The following ZFYVE28 variants were observed in gnomAD, a reference collection of about 807,000 sequenced individuals.
The protein encoded by ZFYVE28 is lateral signaling target protein 2 homolog.
In ZFYVE28, 40 loss-of-function variants were observed where a neutral mutation model predicts 82.1. That is an observed-to-expected ratio of 0.49 (90% CI 0.38 to 0.63). ZFYVE28 has a LOEUF of 0.63. ZFYVE28 is among the 30% of genes least tolerant of loss of function. The probability of loss-of-function intolerance (pLI) is 0.00; values close to 1 mark genes in which losing one functional copy is unlikely to be tolerated. For synonymous variants in ZFYVE28, 612 were observed against 546.1 expected (o/e 1.12, Z -1.68); for missense variants, 1,321 against 1,242.1 (o/e 1.06, Z -0.96).
chr4:2,358,980 T>C (rs1177305527), intron 1 of ZFYVE28, among the ~76,000 whole-genome samples: 2 of 148,646 alleles, frequency 1.3e-5, no homozygotes, highest in Non-Finnish European at 3.0e-5. Flanking sequence ...TTTTTCTTTT[T>C]TTTTTTTTTT....
chr4:2,298,129 G>A (rs953689521), intron 8 of ZFYVE28, among the ~76,000 whole-genome samples: 119 of 147,080 alleles, frequency 8.1e-4, no homozygotes, highest in Non-Finnish European at 1.5e-3. Flanking sequence ...TGACACGGCG[G>A]GCTGTGCTGG....
At chr4:2,277,781 A>G (rs2108801078) in intron 8 of ZFYVE28, among the ~76,000 whole-genome samples, 1 of 152,360 alleles carries the variant, frequency 6.6e-6, no homozygotes, top group Admixed American at 6.5e-5. Context: ...TACAGATTCA[A>G]TGCAATCCAT....
rs140647446 is a variant in ZFYVE28, at chr4:2,315,396, G to A, written c.803+4774C>T. On this transcript the variant is annotated intron_variant, in intron 7 of 12. Transcript: ENST00000290974. ...CGCCTCCCAGGTTCAAGTGATTCTC[G>A]TGTCTCAGCTGGGATTACAGGCGCC... Among the ~76,000 whole-genome samples, 876 of 151,980 alleles carry A rather than the reference G, an allele frequency of 5.8e-3. 9 individuals are homozygous for A. Among genetic ancestry groups the A allele is most frequent in the Non-Finnish European group, 0.01 (700 of 67,934 alleles).
At chr4:2,312,169 C>T (rs1485334690) in intron 7 of ZFYVE28, among the ~76,000 whole-genome samples, 2 of 152,126 alleles carry the variant, frequency 1.3e-5, no homozygotes, top group African/African-American at 4.8e-5. Flanking sequence ...CTCAGCCTCC[C>T]AAAATGCTGA....
At chr4:2,313,087 G>A (rs1717718158) in intron 7 of ZFYVE28, among the ~76,000 whole-genome samples, 1 of 150,544 alleles carries the variant, frequency 6.6e-6, no homozygotes, top group South Asian at 2.1e-4. Context: ...AATTTATCAT[G>A]TAATTGGGGA....
At chr4:2,329,392 T>G (rs1720344739) in intron 6 of ZFYVE28, among the ~76,000 whole-genome samples, 1 of 152,218 alleles carries the variant, frequency 6.6e-6, no homozygotes, top group Non-Finnish European at 1.5e-5. Flanking sequence ...CATTTCTTAT[T>G]TAAAATAACA....
At chr4:2,272,908 G>A (rs768541752) in intron 10 of ZFYVE28, among the ~76,000 whole-genome samples, 3 of 152,360 alleles carry the variant, frequency 2.0e-5, no homozygotes, top group Non-Finnish European at 2.9e-5. Flanking sequence ...CCATCTGCTC[G>A]TTTGCAGGGG....
chr4:2,322,455 G>A (rs1719230529), intron 6 of ZFYVE28, among the ~76,000 whole-genome samples: 1 of 151,572 alleles, frequency 6.6e-6, no homozygotes, highest in Non-Finnish European at 1.5e-5. Context: ...CTGGATCCTG[G>A]GGTCTCGGTG....
chr4:2,320,119 T>A lies in ZFYVE28; in HGVS notation c.803+51A>T. ...TAAACATGACTTCAGCGCCCACCTGTGGCCCTCCTGTCCCCCTCCCCTCCC... is the reference window on the plus strand; with the variant it reads ...TAAACATGACTTCAGCGCCCACCTGAGGCCCTCCTGTCCCCCTCCCCTCCC... On this transcript the variant is annotated intron_variant, in intron 7 of 12. Transcript: ENST00000290974. The surrounding 1 kb of genome is among the most constrained non-coding windows in gnomAD (Gnocchi z 5.1). 1 of 1,568,524 alleles carries A rather than the reference T, an allele frequency of 6.4e-7. No individual in the cohort carries two copies. The highest frequency in any genetic ancestry group is 8.8e-7 in the Non-Finnish European group (1 of 1,141,244).
At chr4:2,403,940 G>C (rs956871157) in intron 1 of ZFYVE28, among the ~76,000 whole-genome samples, 1 of 145,542 alleles carries the variant, frequency 6.9e-6, no homozygotes, top group Admixed American at 7.0e-5. Context: ...TTGCACTCCA[G>C]CCTGGGTGAC....
At chr4:2,273,114 G>T (rs1220126842) in intron 10 of ZFYVE28, 59 bp downstream of exon 10, 2 of 1,409,374 alleles carry the variant, frequency 1.4e-6, no homozygotes, top group Non-Finnish European at 2.0e-6. Context: ...ACCCCTCCCT[G>T]TGGGCAGGGA....
Position 2,339,554 on chromosome 4 carries a change from G to C in ZFYVE28, c.420C>G (p.Gly140=). Residue 140 remains glycine, a synonymous_variant, in exon 4 of 13, where the codon GGC becomes GGG. Transcript: ENST00000290974. This position sits in a 1 kb window ranked among gnomAD's most constrained non-coding sequence, Gnocchi z 5.0. The part of the protein sequence containing the change: ...ELTRSLEDVR[G]ALRDQALRDL... ...CCCGCAGCGCCTGGTCACGGAGGGC[G>C]CCCCGCACGTCCTCCAGGCTGCGCG... is the stretch of plus-strand genomic sequence containing the variant. 6.2e-7 allele frequency: 1 copy of C among 1,613,176 alleles called. No individual in the cohort carries two copies. The highest frequency in any genetic ancestry group is 1.1e-5 in the South Asian group (1 of 90,894).
At chr4:2,370,770 C>G (rs1727458080) in intron 1 of ZFYVE28, among the ~76,000 whole-genome samples, 1 of 152,238 alleles carries the variant, frequency 6.6e-6, no homozygotes, top group Non-Finnish European at 1.5e-5. Context: ...GTCTGGGGCG[C>G]CAGATTGCAC....
chr4:2,379,742 A>G lies in ZFYVE28; in HGVS notation c.40-25669T>C, dbSNP rs78137218. On this transcript the variant is annotated intron_variant, in intron 1 of 12. Transcript: ENST00000290974. ...AAATTTTTCTACAACATATATATCA[A>G]TATTACATATTTATAAATCTATAAA... Among the ~76,000 whole-genome samples, 407 of 152,292 alleles carry G rather than the reference A, an allele frequency of 2.7e-3. 10 individuals carry two copies. The East Asian group carries it at 0.063, about 24-fold the overall frequency.
At chr4:2,392,876 T>A (rs953544654) in intron 1 of ZFYVE28, among the ~76,000 whole-genome samples, 3 of 152,174 alleles carry the variant, frequency 2.0e-5, no homozygotes, top group African/African-American at 7.2e-5. Context: ...GAATCGCACT[T>A]CACACACCTC....
In ZFYVE28 at chr4:2,369,855, T is replaced by C. The variant is rs868649365; in HGVS notation, c.40-15782A>G. On this transcript the variant is annotated intron_variant, in intron 1 of 12. Transcript: ENST00000290974. ...GGGATTTTTTTTTTTCTTTTCTTTT[T>C]TTTTTTTTTTTTTTGAGACAGAGTC... 2.2e-3 allele frequency among the ~76,000 whole-genome samples: 307 copies of C among 136,716 alleles called. 1 individual carries two copies. Among genetic ancestry groups the C allele is most frequent in the Middle Eastern group, 0.015 (4 of 272 alleles). The allele number at this position is 136,716 out of a possible 152,430, so 89.7% of individuals were successfully genotyped here. A position where few individuals can be genotyped will look rare whatever the true frequency, so the allele number is the denominator to read the frequency against.
intron 1 of ZFYVE28, among the ~76,000 whole-genome samples, chr4:2,367,515 G>A: frequency 6.6e-6 from 1 of 152,246 alleles, no homozygotes; most frequent in East Asian, 1.9e-4. Flanking sequence ...GGAAACTTAA[G>A]CTGCTTATTT....
In ZFYVE28 at chr4:2,270,506, T is replaced by C. The variant is rs1735812531; in HGVS notation, c.*219A>G. ...CACCAGGCTCCTCCGGGTCCCCTGC[T>C]GGGCAAAGCTGACCTCTTGTTGGCC... On this transcript the variant is annotated 3_prime_UTR_variant, in exon 13 of 13. Transcript: ENST00000290974. The C allele has an allele frequency of 4.6e-6, 3 of 653,870 alleles. No homozygotes were observed. The highest frequency in any genetic ancestry group is 7.6e-6 in the Non-Finnish European group (3 of 392,830). 40.5% of individuals were successfully genotyped at this position (653,870 alleles called of 1,614,324 possible). A position where few individuals can be genotyped will look rare whatever the true frequency, so the allele number is the denominator to read the frequency against.
rs139024303 is a variant in ZFYVE28, at chr4:2,333,034, C to G, written c.701+2671G>C. On this transcript the variant is annotated intron_variant, in intron 6 of 12. Transcript: ENST00000290974. ...CCTTCAATCCAAGCCCCCTTCACCTCCTGGGGGTCCCTCACTCCCTTTCCA... is the reference window on the plus strand; with the variant it reads ...CCTTCAATCCAAGCCCCCTTCACCTGCTGGGGGTCCCTCACTCCCTTTCCA... 3.6e-3 allele frequency among the ~76,000 whole-genome samples: 543 copies of G among 152,110 alleles called. 1 individual carries two copies. Among genetic ancestry groups the G allele is most frequent in the Non-Finnish European group, 5.6e-3 (379 of 67,960 alleles).
Sources: gnomAD v4.1 joint callset for allele counts (sites outside exome capture counted in the v4.1 genomes callset) on GRCh38, gnomAD v4.1.1 for gene constraint, Gnocchi (gnomAD v3.1) non-coding constraint, MANE v1.5 for transcripts, NCBI Gene and HGNC (gene_info 2026-07-23, HGNC 2026-07-21) for gene names.